Variants in GRID2 observed in about 807,000 individuals in gnomAD.
GRID2 encodes the protein glutamate receptor ionotropic, delta-2.
In GRID2, 33 loss-of-function variants were observed where a neutral mutation model predicts 114.8. That is an observed-to-expected ratio of 0.29 (90% CI 0.22 to 0.38). The LOEUF is 0.38. GRID2 is among the 10% of genes least tolerant of loss of function. GRID2 has a pLI of 1.00. For synonymous variants in GRID2, 505 were observed against 449.9 expected (o/e 1.12, Z -1.55); for missense variants, 1,184 against 1,257.7 (o/e 0.94, Z 0.89).
intron 1 of GRID2, among the ~76,000 whole-genome samples, chr4:92,413,558 T>C (rs1731441670): frequency 6.6e-6 from 1 of 152,126 alleles, no homozygotes; most frequent in Non-Finnish European, 1.5e-5. Flanking sequence ...TCCAAAGTGA[T>C]AAACTTGCAG....
intron 2 of GRID2, among the ~76,000 whole-genome samples, chr4:92,862,791 A>G (rs984250992): frequency 2.0e-5 from 3 of 152,084 alleles, no homozygotes; most frequent in Non-Finnish European, 4.4e-5. Flanking sequence ...CCTAAAATGT[A>G]ATTATTTAGA....
chr4:92,794,905 T>TATAC (rs745392261), intron 2 of GRID2, among the ~76,000 whole-genome samples: 4,601 of 127,176 alleles, frequency 0.036, 90 homozygotes, highest in Non-Finnish European at 0.046. Flanking sequence ...TATATATATA[T>TATAC]ACACACACAC....
chr4:92,828,368 A>C (rs894952928), intron 2 of GRID2, among the ~76,000 whole-genome samples: 1 of 152,122 alleles, frequency 6.6e-6, no homozygotes, highest in African/African-American at 2.4e-5. Context: ...GTAAATTAAT[A>C]GTTTTAATTG....
At chr4:93,373,310 T>G (rs1407087288) in intron 8 of GRID2, among the ~76,000 whole-genome samples, 2 of 149,738 alleles carry the variant, frequency 1.3e-5, no homozygotes, top group African/African-American at 2.4e-5. Context: ...GTTCTCTAAG[T>G]TTTTTTTTTC....
chr4:92,690,779 C>A (rs1385892652), intron 2 of GRID2, among the ~76,000 whole-genome samples: 1 of 151,354 alleles, frequency 6.6e-6, no homozygotes, highest in Non-Finnish European at 1.5e-5. Context: ...TTCTTAGTAC[C>A]CTCATTTTAA....
intron 14 of GRID2, among the ~76,000 whole-genome samples, chr4:93,668,794 G>A (rs1417104669): frequency 2.0e-5 from 3 of 152,012 alleles, no homozygotes; most frequent in Admixed American, 1.3e-4. Context: ...AATCTTAAAG[G>A]TGCATGGGAG....
chr4:93,060,478 C>T (rs1727679687), intron 2 of GRID2, among the ~76,000 whole-genome samples: 1 of 151,984 alleles, frequency 6.6e-6, no homozygotes, highest in South Asian at 2.1e-4. Flanking sequence ...CCAAAAGTCA[C>T]ATATTTTAAA....
At chr4:92,782,621 T>G (rs1739136761) in intron 2 of GRID2, among the ~76,000 whole-genome samples, 1 of 152,134 alleles carries the variant, frequency 6.6e-6, no homozygotes, top group Non-Finnish European at 1.5e-5. Flanking sequence ...TTACTAGGCT[T>G]TCAAACCTGT....
intron 1 of GRID2, among the ~76,000 whole-genome samples, chr4:92,497,485 A>T (rs1723449791): frequency 6.6e-6 from 1 of 151,870 alleles, no homozygotes; most frequent in African/African-American, 2.4e-5. Flanking sequence ...TAGAGAATAC[A>T]AATTTTAGTA....
intron 2 of GRID2, among the ~76,000 whole-genome samples, chr4:92,768,304 CTTTGAAAAAAAATTTTTTACT>C (rs1334918186): frequency 6.6e-6 from 1 of 151,804 alleles, no homozygotes; most frequent in Non-Finnish European, 1.5e-5. Context: ...TATTTTTTAC[CTTTGAAAAAAAATTTTTTACT>C]TTTCAAAGTT....
At chr4:92,315,564 G>A (rs750181565) in intron 1 of GRID2, among the ~76,000 whole-genome samples, 17 of 152,232 alleles carry the variant, frequency 1.1e-4, no homozygotes, top group Non-Finnish European at 2.1e-4. Flanking sequence ...TAAAACTGGT[G>A]AAGTGTTTAC....
At chr4:93,167,324 G>A (rs1425568971) in intron 4 of GRID2, among the ~76,000 whole-genome samples, 2 of 152,128 alleles carry the variant, frequency 1.3e-5, no homozygotes, top group East Asian at 3.9e-4. Context: ...TCTCCAAAGA[G>A]ATTCCAACCA....
At chr4:93,217,442 A>G (rs955720650) in intron 6 of GRID2, among the ~76,000 whole-genome samples, 3 of 152,172 alleles carry the variant, frequency 2.0e-5, no homozygotes, top group Non-Finnish European at 4.4e-5. Context: ...AAAGATATAA[A>G]TAAAACCTCT....
intron 2 of GRID2, among the ~76,000 whole-genome samples, chr4:92,769,703 C>T (rs559141251): frequency 2.0e-5 from 3 of 152,304 alleles, no homozygotes; most frequent in East Asian, 3.9e-4. Flanking sequence ...GGGGCTTGCA[C>T]CCTCTAAAGC....
At chr4:93,788,609 T>A (rs1054585706) in intron 1 of GRID2, among the ~76,000 whole-genome samples, 1 of 151,922 alleles carries the variant, frequency 6.6e-6, no homozygotes, top group Non-Finnish European at 1.5e-5. Context: ...ATAACAAAAA[T>A]CTCAGGTTAA....
At chr4:93,578,584 TGTA>T (rs140415421) in intron 13 of GRID2, among the ~76,000 whole-genome samples, 2 of 143,688 alleles carry the variant, frequency 1.4e-5, no homozygotes, top group African/African-American at 5.5e-5. Context: ...TCTTGTTTTT[TGTA>T]TTTTTTTTTT....
chr4:93,225,008 A>G (rs941972743), intron 7 of GRID2, among the ~76,000 whole-genome samples: 3 of 152,106 alleles, frequency 2.0e-5, no homozygotes, highest in Non-Finnish European at 2.9e-5. Context: ...TGTGGTTGAG[A>G]TATACCCACT....
intron 1 of GRID2, among the ~76,000 whole-genome samples, chr4:92,431,329 A>C (rs1443541585): frequency 2.6e-5 from 4 of 152,118 alleles, no homozygotes; most frequent in African/African-American, 9.7e-5. Flanking sequence ...GTTGAATTTT[A>C]TCAAACACTT....
intron 2 of GRID2, among the ~76,000 whole-genome samples, chr4:92,649,669 A>G (rs1167753092): frequency 1.3e-5 from 2 of 152,004 alleles, no homozygotes; most frequent in Non-Finnish European, 1.5e-5. Flanking sequence ...ATACTTAATA[A>G]CCAAATAAAG....
Sources: allele counts gnomAD v4.1 joint callset (sites outside exome capture counted in the v4.1 genomes callset), GRCh38; gene constraint gnomAD v4.1.1; transcripts MANE v1.5; gene names NCBI Gene and HGNC (gene_info 2026-07-23, HGNC 2026-07-21).